Variants in FRMPD4 observed in about 807,000 individuals in gnomAD.
The protein encoded by FRMPD4 is FERM and PDZ domain-containing protein 4.
A neutral mutation model predicts 94.1 loss-of-function variants in FRMPD4; 22 were observed. The ratio of observed to expected loss-of-function variants is 0.23; its 90% CI spans 0.17 to 0.33. The LOEUF (loss-of-function observed/expected upper bound fraction) is 0.33, where lower values mean the gene tolerates loss of function less well. FRMPD4 is among the 10% of genes least tolerant of loss of function. The probability of loss-of-function intolerance (pLI) is 1.00; values close to 1 mark genes in which losing one functional copy is unlikely to be tolerated. For synonymous variants in FRMPD4, 631 were observed against 548.6 expected, an observed-to-expected ratio of 1.15 and a Z score of -2.10; for missense variants, 1,111 against 1,339.9, an observed-to-expected ratio of 0.83 and a Z score of 2.67.
In FRMPD4 at chrX:12,564,944, G is replaced by A. The variant is rs773816712; in HGVS notation, c.159-44777G>A. Among the ~76,000 whole-genome samples the A allele has an allele frequency of 1.6e-3, 182 of 110,765 alleles. 1 individual carries two copies. Among genetic ancestry groups the A allele is most frequent in the Non-Finnish European group, 2.5e-3 (134 of 52,926 alleles). ...GAGTAACAAAATAGTAGCATGGCCG[G>A]GCGTGGTGGCGGGTGCCTGTAATCC... On this transcript the variant is annotated intron_variant, in intron 2 of 16. Coordinates refer to ENST00000675598, the MANE Select transcript of FRMPD4 (RefSeq NM_001368397.1).
At chrX:12,719,409 G>C (rs929774602) in intron 16 of FRMPD4, among the ~76,000 whole-genome samples, 2 of 112,118 alleles carry the variant, frequency 1.8e-5, no homozygotes, top group African/African-American at 6.5e-5. Context: ...GTAGAAAAAA[G>C]AACACATCCA....
intron 2 of FRMPD4, among the ~76,000 whole-genome samples, chrX:12,530,729 T>C (rs369761375): frequency 1.8e-5 from 2 of 111,722 alleles, no homozygotes; most frequent in South Asian, 3.8e-4. Flanking sequence ...CTCAGGGGAA[T>C]AGAAGTCTCT....
intron 1 of FRMPD4, among the ~76,000 whole-genome samples, chrX:12,224,309 C>T (rs1053673362): frequency 9.0e-6 from 1 of 110,555 alleles, no homozygotes; most frequent in East Asian, 2.8e-4. Flanking sequence ...AGGGCAATGG[C>T]GTGATAATGG....
chrX:11,913,952 G>A (rs923335840), intron 3 of FRMPD4, among the ~76,000 whole-genome samples: 3 of 112,077 alleles, frequency 2.7e-5, no homozygotes, highest in Non-Finnish European at 3.8e-5. Context: ...GAAGGAAAGA[G>A]AATGACATGT....
At chrX:12,259,914 GCCTATTATCTTAAA>G (rs2147824077) in intron 1 of FRMPD4, among the ~76,000 whole-genome samples, 1 of 111,813 alleles carries the variant, frequency 8.9e-6, no homozygotes, top group South Asian at 3.8e-4. Flanking sequence ...TGTACTTGAT[GCCTATTATCTTAAA>G]CCTTCACAAA....
At chrX:12,016,071 G>A (rs2054603398) in intron 3 of FRMPD4, among the ~76,000 whole-genome samples, 1 of 112,488 alleles carries the variant, frequency 8.9e-6, no homozygotes, top group Admixed American at 9.4e-5. Context: ...TTTACCTAGA[G>A]AAGAGGGTTG....
At chrX:12,422,143 A>G (rs2056891781) in intron 1 of FRMPD4, among the ~76,000 whole-genome samples, 1 of 112,309 alleles carries the variant, frequency 8.9e-6, no homozygotes, top group Non-Finnish European at 1.9e-5. Flanking sequence ...TCTTTTGAAA[A>G]GAAAAGGGCA....
chrX:12,263,781 C>A (rs1016016305), intron 1 of FRMPD4, among the ~76,000 whole-genome samples: 1 of 108,156 alleles, frequency 9.2e-6, no homozygotes, highest in Non-Finnish European at 1.9e-5. Context: ...CCACAGACTG[C>A]ATAACTTGAA....
At chrX:12,300,901 C>A (rs754031730) in intron 1 of FRMPD4, among the ~76,000 whole-genome samples, 7 of 111,484 alleles carry the variant, frequency 6.3e-5, no homozygotes, top group Admixed American at 1.9e-4. Context: ...GTTCAGTTGC[C>A]TCCTTCCACC....
chrX:12,568,576 A>G (rs1238470668), intron 2 of FRMPD4, among the ~76,000 whole-genome samples: 1 of 112,292 alleles, frequency 8.9e-6, no homozygotes, highest in Non-Finnish European at 1.9e-5. Context: ...TGTCATTAAA[A>G]TATTTATTTA....
intron 1 of FRMPD4, among the ~76,000 whole-genome samples, chrX:12,452,546 T>A (rs1308037477): frequency 1.8e-5 from 2 of 112,024 alleles, no homozygotes; most frequent in African/African-American, 6.5e-5. Context: ...CTGTTCTCTG[T>A]CAGCATTATC....
chrX:12,251,491 G>T (rs12389081), intron 1 of FRMPD4, among the ~76,000 whole-genome samples: 1 of 111,419 alleles, frequency 9.0e-6, no homozygotes, highest in African/African-American at 3.3e-5. Context: ...CCTTTGCCTC[G>T]GGTCAAAGCA....
At chrX:12,501,969 G>T (rs1425364811) in intron 2 of FRMPD4, among the ~76,000 whole-genome samples, 1 of 111,934 alleles carries the variant, frequency 8.9e-6, no homozygotes, top group Non-Finnish European at 1.9e-5. Flanking sequence ...AATGAAGGAT[G>T]CAATAAACAC....
chrX:12,569,601 TTCTGTTA>T (rs1291158292), intron 2 of FRMPD4, among the ~76,000 whole-genome samples: 1 of 112,522 alleles, frequency 8.9e-6, no homozygotes, highest in Non-Finnish European at 1.9e-5. Context: ...TGTTTCTGTT[TTCTGTTA>T]ACTTTTACTA....
intron 3 of FRMPD4, among the ~76,000 whole-genome samples, chrX:12,079,362 G>T (rs945794197): frequency 1.8e-5 from 2 of 110,095 alleles, no homozygotes; most frequent in African/African-American, 6.6e-5. Flanking sequence ...ACAGTCTCAG[G>T]ACATTTAACT....
chrX:12,141,280 G>C (rs2055686216), intron 1 of FRMPD4, among the ~76,000 whole-genome samples: 1 of 111,505 alleles, frequency 9.0e-6, no homozygotes, highest in African/African-American at 3.3e-5. Context: ...TTGGTTTAGA[G>C]GCAAACACAT....
At chrX:12,381,787 A>G (rs774001119) in intron 1 of FRMPD4, among the ~76,000 whole-genome samples, 5 of 111,804 alleles carry the variant, frequency 4.5e-5, no homozygotes, top group East Asian at 2.8e-4. Flanking sequence ...TGGAGTAACT[A>G]TACCAGGGGA....
chrX:11,924,153 C>A (rs1209708817), intron 3 of FRMPD4, among the ~76,000 whole-genome samples: 2 of 111,652 alleles, frequency 1.8e-5, no homozygotes, highest in African/African-American at 6.5e-5. Context: ...GTATTAATAG[C>A]AGAATAGACC....
chrX:12,189,056 A>G (rs1224400487), intron 1 of FRMPD4, among the ~76,000 whole-genome samples: 1 of 111,599 alleles, frequency 9.0e-6, no homozygotes, highest in East Asian at 2.8e-4. Context: ...CAGACTAAGA[A>G]CGAAAGAGAG....
Sources: allele counts gnomAD v4.1 joint callset (sites outside exome capture counted in the v4.1 genomes callset), GRCh38; gene constraint gnomAD v4.1.1; transcripts MANE v1.5; gene names NCBI Gene and HGNC (gene_info 2026-07-23, HGNC 2026-07-21).